The following SATB1 variants were observed in gnomAD, a reference collection of about 807,000 sequenced individuals.
SATB1 encodes DNA-binding protein SATB1.
Under a neutral mutation model 86.9 loss-of-function variants are expected in SATB1, and 11 were observed. That is an observed-to-expected ratio of 0.13 (90% CI 0.08 to 0.21). The LOEUF (loss-of-function observed/expected upper bound fraction) is 0.21. SATB1 is among the 10% of genes least tolerant of loss of function. SATB1 has a pLI of 1.00. For missense variants in SATB1, 551 were observed against 937.6 expected (o/e 0.59, Z 5.39); for synonymous variants, 357 against 357.2 (o/e 1.00, Z 0.01).
upstream of SATB1, among the ~76,000 whole-genome samples, chr3:18,426,094 G>C (rs1053011453): frequency 3.3e-5 from 5 of 152,212 alleles, no homozygotes; most frequent in Admixed American, 1.3e-4. This position sits in a 1 kb window ranked among gnomAD's most constrained non-coding sequence, Gnocchi z 4.2. Context: ...GGTACAGACG[G>C]AAGGCAGTTC....
chr3:18,402,727 T>C (rs1362410310), intron 5 of SATB1, among the ~76,000 whole-genome samples: 2 of 152,112 alleles, frequency 1.3e-5, no homozygotes, highest in Non-Finnish European at 2.9e-5. Flanking sequence ...AGGACTGTGA[T>C]ATCATGATCA....
In SATB1 at chr3:18,349,814, A is replaced by G; in HGVS notation, c.1780-132T>C. On this transcript the variant is annotated intron_variant, in intron 10 of 10. Coordinates refer to ENST00000338745, the MANE Select transcript of SATB1 (RefSeq NM_002971.6). This position sits in a 1 kb window ranked among gnomAD's most constrained non-coding sequence, Gnocchi z 5.5. The stretch of plus-strand genomic sequence containing the variant: ...TGATAGGGATGAAGATTTAGAAAGA[A>G]AAGGTAGGCCGGCGAAATGGCCGAC... The G allele has an allele frequency of 7.1e-7, 1 of 1,415,470 alleles. No individual in the cohort carries two copies. Among genetic ancestry groups the G allele is most frequent in the Non-Finnish European group, 9.2e-7 (1 of 1,083,192 alleles). The allele number at this position is 1,415,470 out of a possible 1,614,324, so 87.7% of individuals were successfully genotyped here.
At chr3:18,410,513 G>C (rs1697777607) in intron 5 of SATB1, among the ~76,000 whole-genome samples, 1 of 151,868 alleles carries the variant, frequency 6.6e-6, no homozygotes, top group Admixed American at 6.6e-5. Flanking sequence ...TCCTACTTAG[G>C]GGGACCAAAG....
At chr3:18,431,916 G>C (rs563041957) in intron 2 of SATB1, among the ~76,000 whole-genome samples, 39 of 152,280 alleles carry the variant, frequency 2.6e-4, no homozygotes, top group Non-Finnish European at 4.6e-4. Flanking sequence ...TTACTGGGGT[G>C]CCAGAAATCC....
intron 9 of SATB1, among the ~76,000 whole-genome samples, chr3:18,369,550 A>C (rs936189452): frequency 1.3e-5 from 2 of 152,182 alleles, no homozygotes; most frequent in African/African-American, 2.4e-5. Flanking sequence ...CCTTAAAAAA[A>C]AGGGGGGCCT....
chr3:18,391,940 C>A (rs1696697658), intron 7 of SATB1, among the ~76,000 whole-genome samples: 1 of 152,154 alleles, frequency 6.6e-6, no homozygotes, highest in Non-Finnish European at 1.5e-5. Flanking sequence ...CCTGCATGTG[C>A]AAAAGTTAGT....
At position 18,369,238 on chromosome 3, in the gene SATB1, T is replaced by C. The variant is rs186925198; in HGVS notation, c.1575+8932A>G. Among the ~76,000 whole-genome samples, 91 of 151,258 alleles carry C rather than the reference T, an allele frequency of 6.0e-4. 1 individual carries two copies. The highest frequency in any genetic ancestry group is 2.2e-3 in the African/African-American group (90 of 41,196). On this transcript the variant is annotated intron_variant, in intron 9 of 10. Transcript: ENST00000338745. ...CAGTCTTAGAAATCCTTTCAGAATT[T>C]AGGTTCAAATAAACAGTTTAACACT...
upstream of SATB1, chr3:18,438,787 C>T (rs1699154733): frequency 6.6e-6 from 1 of 152,274 alleles, no homozygotes; most frequent in Admixed American, 6.5e-5. Flanking sequence ...TAGAGTCCAC[C>T]CACTTCACCC....
At chr3:18,392,570 C>T (rs1553620903) in intron 7 of SATB1, among the ~76,000 whole-genome samples, 1 of 101,758 alleles carries the variant, frequency 9.8e-6, no homozygotes, top group Non-Finnish European at 2.2e-5. Flanking sequence ...TATATACACA[C>T]ACATACACAC....
chr3:18,403,786 C>A (rs563991998), intron 5 of SATB1, among the ~76,000 whole-genome samples: 2 of 152,100 alleles, frequency 1.3e-5, no homozygotes, highest in Admixed American at 1.3e-4. Context: ...GCATTAAGCA[C>A]CTTTTTGTAG....
At chr3:18,390,289 A>G (rs1340104910) in intron 7 of SATB1, among the ~76,000 whole-genome samples, 3 of 152,166 alleles carry the variant, frequency 2.0e-5, no homozygotes, top group Non-Finnish European at 4.4e-5. Context: ...GGAAGAAAAT[A>G]TGATTTGATG....
chr3:18,403,958 T>C (rs1299073712), intron 5 of SATB1, among the ~76,000 whole-genome samples: 1 of 152,046 alleles, frequency 6.6e-6, no homozygotes, highest in Non-Finnish European at 1.5e-5. Flanking sequence ...TTTTTATCTG[T>C]CCATGGAAAA....
At chr3:18,382,465 T>A (rs1696115864) in intron 8 of SATB1, among the ~76,000 whole-genome samples, 2 of 152,182 alleles carry the variant, frequency 1.3e-5, no homozygotes, top group African/African-American at 4.8e-5. Flanking sequence ...ACGGTAGAAA[T>A]CATCACTTAA....
At chr3:18,380,821 A>G (rs907292778) in intron 8 of SATB1, among the ~76,000 whole-genome samples, 1 of 152,204 alleles carries the variant, frequency 6.6e-6, no homozygotes, top group Non-Finnish European at 1.5e-5. Flanking sequence ...TAAAAATGGA[A>G]ACAAAAATCT....
At chr3:18,407,506 C>A (rs1467941509) in intron 5 of SATB1, among the ~76,000 whole-genome samples, 3 of 152,020 alleles carry the variant, frequency 2.0e-5, no homozygotes, top group Non-Finnish European at 4.4e-5. Flanking sequence ...AGTTATGGCA[C>A]ACTTTAGGAC....
intron 9 of SATB1, among the ~76,000 whole-genome samples, chr3:18,366,375 A>T (rs906854498): frequency 6.6e-6 from 1 of 151,984 alleles, no homozygotes; most frequent in Non-Finnish European, 1.5e-5. Flanking sequence ...GAGTATTCTC[A>T]CATTGCCCTG....
chr3:18,369,590 C>T (rs1695359072), intron 9 of SATB1, among the ~76,000 whole-genome samples: 1 of 151,872 alleles, frequency 6.6e-6, no homozygotes, highest in South Asian at 2.1e-4. Flanking sequence ...ATGTGGTTTT[C>T]ATTTGTGAAA....
chr3:18,424,950 TGA>T lies in SATB1; in HGVS notation c.-1350_-1349del, dbSNP rs941709473. 61 of 155,156 alleles carry T rather than the reference TGA, an allele frequency of 3.9e-4. No individual in the cohort carries two copies. The highest frequency in any genetic ancestry group is 1.4e-3 in the African/African-American group (57 of 41,606). The allele number at this position is 155,156 out of a possible 1,614,324, so 9.6% of individuals were successfully genotyped here. ...GTGTGTGTGTGTTTGTGTGTGTGCG[TGA>T]GTGTGAGCGCGAGTCCCCGGACGGG... On this transcript the variant is annotated 5_prime_UTR_variant, in exon 1 of 11. The change creates a premature stop within an existing upstream ORF in the 5' untranslated region. Coordinates refer to ENST00000338745, the MANE Select transcript of SATB1 (RefSeq NM_002971.6).
chr3:18,348,103 T>C lies in SATB1; in HGVS notation c.*1067A>G, dbSNP rs1694148476. 1 of 152,642 alleles carries C rather than the reference T, an allele frequency of 6.6e-6. No homozygotes were observed. Among genetic ancestry groups the C allele is most frequent in the Non-Finnish European group, 1.5e-5 (1 of 68,026 alleles). 9.5% of individuals were successfully genotyped at this position (152,642 alleles called of 1,614,324 possible). On this transcript the variant is annotated 3_prime_UTR_variant, in exon 11 of 11. Coordinates refer to ENST00000338745, the MANE Select transcript of SATB1 (RefSeq NM_002971.6). Reference sequence around the variant, plus strand: ...CTCATAAAAAAGAAATACACCTTTATACAGAAATTTTATACAGATGTAGCT... The same window carrying C: ...CTCATAAAAAAGAAATACACCTTTACACAGAAATTTTATACAGATGTAGCT...
Sources: allele counts gnomAD v4.1 joint callset (sites outside exome capture counted in the v4.1 genomes callset), GRCh38; gene constraint gnomAD v4.1.1; non-coding constraint Gnocchi (gnomAD v3.1); transcripts MANE v1.5; gene names NCBI Gene and HGNC (gene_info 2026-07-23, HGNC 2026-07-21).